GRAMD1C: variants seen among roughly 807,000 people sequenced by gnomAD.
GRAMD1C encodes the protein GRAM domain containing 1C, also known as protein Aster-C.
A neutral mutation model predicts 97.8 loss-of-function variants in GRAMD1C; 89 were observed. The ratio of observed to expected loss-of-function variants is 0.91; its 90% CI spans 0.77 to 1.09. The LOEUF (loss-of-function observed/expected upper bound fraction) is 1.09. GRAMD1C is among the 50% of genes least tolerant of loss of function. The probability of loss-of-function intolerance (pLI) is 0.00; values close to 1 mark genes in which losing one functional copy is unlikely to be tolerated. For missense variants in GRAMD1C, 740 were observed against 766.4 expected, an observed-to-expected ratio of 0.97 and a Z score of 0.41; for synonymous variants, 256 against 267.0, an observed-to-expected ratio of 0.96 and a Z score of 0.40.
At chr3:113,928,926 C>T (rs562085806) in intron 10 of GRAMD1C, among the ~76,000 whole-genome samples, 20 of 152,010 alleles carry the variant, frequency 1.3e-4, no homozygotes, top group Admixed American at 3.9e-4. Flanking sequence ...AATGCCACCA[C>T]GAACATTGAC....
intron 1 of GRAMD1C, among the ~76,000 whole-genome samples, chr3:113,841,395 C>T (rs1933289378): frequency 6.7e-6 from 1 of 148,646 alleles, no homozygotes; most frequent in African/African-American, 2.5e-5. Flanking sequence ...AAGCAATTCT[C>T]CTGCCTCAGC....
intron 11 of GRAMD1C, 137 bp from the exon 12 acceptor site, chr3:113,933,374 T>C (rs186682312): frequency 6.8e-6 from 4 of 584,186 alleles, no homozygotes; most frequent in African/African-American, 3.8e-5. Flanking sequence ...GCATGTAGGC[T>C]CTTTTAGCTT....
chr3:113,844,285 C>T (rs1933509157), intron 1 of GRAMD1C, among the ~76,000 whole-genome samples: 1 of 151,530 alleles, frequency 6.6e-6, no homozygotes, highest in African/African-American at 2.4e-5. Flanking sequence ...AAGAGTGAGA[C>T]CCTGTCTCTA....
In GRAMD1C at chr3:113,875,551, A is replaced by G; in HGVS notation, c.327A>G (p.Leu109=). The stretch of plus-strand genomic sequence containing the variant: ...GACTATACCTTTCAGAAAACTGGCT[A>G]TGTTTCTATAGCAACATCTTCAGAT... ...QGRLYLSENW[L]CFYSNIFRWE... is the part of the protein sequence containing the mutation. The change falls in exon 4 of 18, where the codon CTA becomes CTG. Residue 109 remains leucine, a synonymous_variant. Transcript: ENST00000358160. 6.5e-7 allele frequency: 1 copy of G among 1,534,950 alleles called. No individual in the cohort carries two copies. The highest frequency in any genetic ancestry group is 9.0e-7 in the Non-Finnish European group (1 of 1,107,104).
At chr3:113,835,900 G>A (rs1709623755), upstream of GRAMD1C, among the ~76,000 whole-genome samples, 1 of 152,178 alleles carries the variant, frequency 6.6e-6, no homozygotes, top group African/African-American at 2.4e-5. Context: ...GCAGAATGAG[G>A]ATGGAAACCT....
intron 6 of GRAMD1C, among the ~76,000 whole-genome samples, chr3:113,888,004 C>G (rs973641487): frequency 1.3e-5 from 2 of 151,956 alleles, no homozygotes; most frequent in East Asian, 3.8e-4. Flanking sequence ...TGATAAAGAA[C>G]CTACCACAGA....
chr3:113,828,549 T>A (rs10212207), intron 1 of GRAMD1C, among the ~76,000 whole-genome samples: 10 of 152,326 alleles, frequency 6.6e-5, no homozygotes, highest in African/African-American at 2.4e-4. Context: ...TTCCTATTAC[T>A]TCCAGACTCT....
chr3:113,836,226 T>C (rs1709629526), upstream of GRAMD1C, among the ~76,000 whole-genome samples: 1 of 152,170 alleles, frequency 6.6e-6, no homozygotes, highest in African/African-American at 2.4e-5. Flanking sequence ...ATTGTGCCAC[T>C]GCACTCCAGT....
intron 9 of GRAMD1C, chr3:113,913,203 C>T: frequency 1.5e-6 from 1 of 647,650 alleles, no homozygotes; most frequent in Non-Finnish European, 2.5e-6. Flanking sequence ...CTCTTTCTCA[C>T]CTGCTTCTTT....
At chr3:113,849,821 C>T (rs1364313254) in intron 2 of GRAMD1C, among the ~76,000 whole-genome samples, 90 of 152,210 alleles carry the variant, frequency 5.9e-4, no homozygotes, top group Admixed American at 7.2e-4. Context: ...ACCTCCCAGA[C>T]GGGGTGGTGG....
At chr3:113,869,434 T>A (rs1934706254) in intron 2 of GRAMD1C, 73 bp from the exon 3 acceptor site, 1 of 784,012 alleles carries the variant, frequency 1.3e-6, no homozygotes, top group Non-Finnish European at 2.2e-6. Context: ...TGATTTTAAA[T>A]TCCACTTGAT....
chr3:113,857,582 T>A (rs890346296), intron 2 of GRAMD1C, among the ~76,000 whole-genome samples: 1 of 152,086 alleles, frequency 6.6e-6, no homozygotes, highest in Non-Finnish European at 1.5e-5. Flanking sequence ...TTCACCGTGT[T>A]AGCCAGGATG....
chr3:113,842,826 G>A (rs563137366), intron 1 of GRAMD1C, among the ~76,000 whole-genome samples: 8 of 151,928 alleles, frequency 5.3e-5, no homozygotes, highest in Admixed American at 2.6e-4. Context: ...AGCCGGGTGA[G>A]GTGGTGCACG....
chr3:113,828,580 C>T (rs188095197), intron 1 of GRAMD1C, among the ~76,000 whole-genome samples: 42 of 152,282 alleles, frequency 2.8e-4, no homozygotes, highest in Middle Eastern at 3.4e-3. Flanking sequence ...TCTTCCCTAA[C>T]ACTCTATCTT....
upstream of GRAMD1C, among the ~76,000 whole-genome samples, chr3:113,837,074 T>C (rs545936387): frequency 2.0e-5 from 3 of 152,196 alleles, no homozygotes; most frequent in African/African-American, 7.2e-5. Flanking sequence ...ATGTCTTCCC[T>C]CCCTCCCTTC....
At chr3:113,934,395 T>C in intron 12 of GRAMD1C, 37 bp from the exon 13 acceptor site, 1 of 931,192 alleles carries the variant, frequency 1.1e-6, no homozygotes, top group East Asian at 2.5e-5. Context: ...TAAAGTCTGC[T>C]CTTTAAATAA....
At chr3:113,897,822 T>G in intron 6 of GRAMD1C, 1 of 895,978 alleles carries the variant, frequency 1.1e-6, no homozygotes, top group Non-Finnish European at 1.3e-6. Flanking sequence ...AGGTGGGTGG[T>G]CAGCTTGTGT....
At chr3:113,887,438 C>T (rs987759711) in intron 6 of GRAMD1C, among the ~76,000 whole-genome samples, 52 of 151,684 alleles carry the variant, frequency 3.4e-4, no homozygotes, top group Non-Finnish European at 3.8e-4. Flanking sequence ...CTGTGGCTTA[C>T]GCCTGTAATC....
intron 1 of GRAMD1C, among the ~76,000 whole-genome samples, chr3:113,833,522 G>A (rs551039350): frequency 9.7e-4 from 147 of 152,082 alleles, no homozygotes; most frequent in African/African-American, 3.1e-3. Flanking sequence ...CCTACCCTTG[G>A]AAGAGTTCTG....
Sources: allele counts gnomAD v4.1 joint callset (sites outside exome capture counted in the v4.1 genomes callset), GRCh38; gene constraint gnomAD v4.1.1; transcripts MANE v1.5; gene names NCBI Gene and HGNC (gene_info 2026-07-23, HGNC 2026-07-21).